The following RERG variants were observed in gnomAD, a reference collection of about 807,000 sequenced individuals.
RERG encodes ras-related and estrogen-regulated growth inhibitor.
RERG carries 25 observed loss-of-function variants against 23.2 expected under a neutral mutation model. That is an observed-to-expected ratio of 1.08 (90% CI 0.79 to 1.50). RERG has a LOEUF of 1.50. RERG is among the 40% of genes most tolerant of loss of function. The pLI is 0.00. For synonymous variants in RERG, 81 were observed against 89.1 expected (o/e 0.91, Z 0.51); for missense variants, 253 against 250.1 (o/e 1.01, Z -0.08).
rs148038679 is a variant in RERG at position 15,180,189 on chromosome 12, C to T, written c.61+37240G>A. ...ACAGAGAAGAATATGACTCCATAAG[C>T]AAGGCCTTGGAATTTTACTGCAAAG... On this transcript the variant is annotated intron_variant, in intron 2 of 4. Transcript: ENST00000256953. Among the ~76,000 whole-genome samples, 869 of 152,202 alleles carry T rather than the reference C, an allele frequency of 5.7e-3. 5 individuals carry two copies. Among genetic ancestry groups the T allele is most frequent in the Non-Finnish European group, 9.5e-3 (649 of 68,002 alleles).
At chr12:15,111,881 G>A (rs750662639) in intron 3 of RERG, among the ~76,000 whole-genome samples, 3 of 151,922 alleles carry the variant, frequency 2.0e-5, no homozygotes, top group Non-Finnish European at 4.4e-5. Context: ...TCACCATGTT[G>A]GCCAGGCTGG....
At chr12:15,179,659 C>T (rs1338382903) in intron 2 of RERG, among the ~76,000 whole-genome samples, 1 of 152,068 alleles carries the variant, frequency 6.6e-6, no homozygotes, top group Non-Finnish European at 1.5e-5. Context: ...AATATAAAGA[C>T]ATTAAGAGAT....
At chr12:15,144,686 T>G (rs1034931715) in intron 2 of RERG, among the ~76,000 whole-genome samples, 6 of 151,964 alleles carry the variant, frequency 3.9e-5, no homozygotes, top group Non-Finnish European at 7.4e-5. Flanking sequence ...TAGGGAGGGG[T>G]GGCAATGCAG....
rs1865160723 is a variant in RERG at position 15,197,466 on chromosome 12, G to A, written c.61+19963C>T. ...TTTGGAGTGAGCACATATGAGTTCAGGTACCAGCTCTGCCACTTAGTAGAT... is the reference window on the plus strand; with the variant it reads ...TTTGGAGTGAGCACATATGAGTTCAAGTACCAGCTCTGCCACTTAGTAGAT... On this transcript the variant is annotated intron_variant, in intron 2 of 4. Transcript: ENST00000256953. Among the ~76,000 whole-genome samples, 3 of 152,114 alleles carry A rather than the reference G, an allele frequency of 2.0e-5. No individual in the cohort carries two copies. In the South Asian group the frequency reaches 6.2e-4, roughly 32 times the overall value.
At chr12:15,207,424 A>G (rs1202597064) in intron 2 of RERG, among the ~76,000 whole-genome samples, 2 of 152,266 alleles carry the variant, frequency 1.3e-5, no homozygotes, top group Admixed American at 6.5e-5. Context: ...TGGCTCAGCA[A>G]TGGCATACGT....
intron 2 of RERG, among the ~76,000 whole-genome samples, chr12:15,187,784 C>T (rs775212664): frequency 9.2e-5 from 14 of 151,734 alleles, no homozygotes; most frequent in Non-Finnish European, 2.1e-4. Flanking sequence ...GTCTTGAACT[C>T]CTGACCTCAA....
At chr12:15,183,529 A>C (rs1864953266) in intron 2 of RERG, among the ~76,000 whole-genome samples, 1 of 152,180 alleles carries the variant, frequency 6.6e-6, no homozygotes, top group African/African-American at 2.4e-5. Context: ...CATGAAATAC[A>C]GTATTCAATC....
intron 4 of RERG, chr12:15,110,853 C>T (rs139650679): frequency 6.6e-6 from 1 of 152,458 alleles, no homozygotes; most frequent in East Asian, 1.9e-4. Context: ...GACCTAATAC[C>T]AAATATTACA....
intron 2 of RERG, among the ~76,000 whole-genome samples, chr12:15,215,842 T>C (rs1865434132): frequency 6.6e-6 from 1 of 152,166 alleles, no homozygotes; most frequent in South Asian, 2.1e-4. Flanking sequence ...ACACCCAGCT[T>C]GCTCCGAGAT....
chr12:15,132,658 A>G (rs1245040250), intron 2 of RERG, among the ~76,000 whole-genome samples: 2 of 152,198 alleles, frequency 1.3e-5, no homozygotes, highest in Non-Finnish European at 2.9e-5. Flanking sequence ...TCCCATCAGT[A>G]ACGTGTGAGA....
chr12:15,113,485 A>C (rs1008482819), intron 3 of RERG, among the ~76,000 whole-genome samples: 6 of 152,072 alleles, frequency 3.9e-5, no homozygotes, highest in African/African-American at 1.4e-4. Context: ...ATAAAATAAT[A>C]CGAAGTTTAT....
At chr12:15,140,918 T>C (rs1464954632) in intron 2 of RERG, among the ~76,000 whole-genome samples, 1 of 152,158 alleles carries the variant, frequency 6.6e-6, no homozygotes, top group East Asian at 1.9e-4. Flanking sequence ...TGGTGTTCTC[T>C]GAGCTTTTAG....
chr12:15,156,903 T>C (rs1419163824), intron 2 of RERG, among the ~76,000 whole-genome samples: 2 of 152,146 alleles, frequency 1.3e-5, no homozygotes, highest in African/African-American at 2.4e-5. Flanking sequence ...GGGATAAAAA[T>C]AGTGCCTATC....
chr12:15,209,593 G>A (rs1865339750), intron 2 of RERG, among the ~76,000 whole-genome samples: 1 of 152,042 alleles, frequency 6.6e-6, no homozygotes, highest in Non-Finnish European at 1.5e-5. Context: ...AAAAGTTGCT[G>A]AGAATTTTGG....
rs1591653945 is a variant in RERG at position 15,163,129 on chromosome 12, T to C, written c.62-42010A>G. ...GTAGGTGGAGACTATAGCACTTTCT[T>C]TTGCAGTGAGTCAACAATGCCAGAA... On this transcript the variant is annotated intron_variant, in intron 2 of 4. Coordinates refer to ENST00000256953, the MANE Select transcript of RERG (RefSeq NM_032918.3). Among the ~76,000 whole-genome samples the C allele has an allele frequency of 2.0e-5, 3 of 152,274 alleles. 1 individual carries two copies. The South Asian group carries it at 6.2e-4, about 32-fold the overall frequency.
intron 2 of RERG, among the ~76,000 whole-genome samples, chr12:15,162,619 G>GCA (rs1298239986): frequency 6.6e-6 from 1 of 152,174 alleles, no homozygotes; most frequent in Non-Finnish European, 1.5e-5. Flanking sequence ...AGAAAAGGCA[G>GCA]CAGAGAAGCC....
intron 2 of RERG, among the ~76,000 whole-genome samples, chr12:15,147,708 A>C (rs1037334412): frequency 6.6e-6 from 1 of 152,182 alleles, no homozygotes; most frequent in Non-Finnish European, 1.5e-5. Context: ...AGATTATAAG[A>C]AATTTATGTA....
At chr12:15,207,997 G>T (rs1278180256) in intron 2 of RERG, among the ~76,000 whole-genome samples, 2 of 152,120 alleles carry the variant, frequency 1.3e-5, no homozygotes, top group Admixed American at 1.3e-4. Flanking sequence ...ACTAATGTAA[G>T]GGTTTTGTCG....
chr12:15,133,185 C>T (rs954948126), intron 2 of RERG, among the ~76,000 whole-genome samples: 14 of 129,566 alleles, frequency 1.1e-4, no homozygotes, highest in Non-Finnish European at 9.3e-5. Context: ...GTACATGTAA[C>T]TATTATAGTA....
Sources: allele counts gnomAD v4.1 joint callset (sites outside exome capture counted in the v4.1 genomes callset), GRCh38; gene constraint gnomAD v4.1.1; transcripts MANE v1.5; gene names NCBI Gene and HGNC (gene_info 2026-07-23, HGNC 2026-07-21).